The following LYSMD4 variants were observed in gnomAD, a reference collection of about 807,000 sequenced individuals.
LYSMD4 encodes lysM and putative peptidoglycan-binding domain-containing protein 4.
LYSMD4 carries 9 observed loss-of-function variants against 6.1 expected under a neutral mutation model. The ratio of observed to expected loss-of-function variants is 1.47; its 90% CI spans 0.88 to 2.56. The LOEUF is 2.56. LYSMD4 is among the 30% of genes most tolerant of loss of function. The pLI is 0.00. For synonymous variants in LYSMD4, 143 were observed against 148.5 expected, an observed-to-expected ratio of 0.96 and a Z score of 0.27; for missense variants, 384 against 373.5, an observed-to-expected ratio of 1.03 and a Z score of -0.23.
At chr15:99,720,350 G>A (rs2059228724), upstream of LYSMD4, among the ~76,000 whole-genome samples, 1 of 152,152 alleles carries the variant, frequency 6.6e-6, no homozygotes, top group Middle Eastern at 3.4e-3. Context: ...GCCAGGTGTG[G>A]TGGCTCACAT....
downstream of LYSMD4, among the ~76,000 whole-genome samples, chr15:99,724,048 G>A (rs894128507): frequency 1.3e-5 from 2 of 150,854 alleles, no homozygotes; most frequent in Non-Finnish European, 2.9e-5. Context: ...ATAGTCCCCC[G>A]TTTCCAGCCT....
exon 1 of LYSMD4, chr15:99,717,737 C>G (rs959540659): frequency 1.3e-5 from 2 of 152,234 alleles, no homozygotes; most frequent in Non-Finnish European, 1.5e-5. Flanking sequence ...GCATCTTACT[C>G]GGCTTAGACG....
rs2059323397 is a variant in LYSMD4 at position 99,728,488 on chromosome 15, G to A, written c.*635C>T. The A allele has an allele frequency of 6.3e-6, 1 of 158,698 alleles. No homozygotes were observed. The highest frequency in any genetic ancestry group is 1.4e-5 in the Non-Finnish European group (1 of 71,246). 9.8% of individuals were successfully genotyped at this position (158,698 alleles called of 1,614,324 possible). On this transcript the variant is annotated 3_prime_UTR_variant, in exon 3 of 3. Coordinates refer to ENST00000684762, the MANE Select transcript of LYSMD4 (RefSeq NM_001284417.2). ...ACTAAGCCACTCTAAAAGGACAGGA[G>A]TAGGACTGCCCTTTATTCAACAGTG... is the stretch of plus-strand genomic sequence containing the variant.
chr15:99,717,963 C>G (rs181116211), upstream of LYSMD4: 1 of 152,300 alleles, frequency 6.6e-6, no homozygotes, highest in Admixed American at 6.5e-5. Context: ...TCCACATATC[C>G]CTCAGCGGGC....
chr15:99,724,126 CA>C (rs2059259052), downstream of LYSMD4, among the ~76,000 whole-genome samples: 1 of 151,212 alleles, frequency 6.6e-6, no homozygotes, highest in South Asian at 2.1e-4. Flanking sequence ...TACTAAATCC[CA>C]GCCTTCTTTC....
upstream of LYSMD4, among the ~76,000 whole-genome samples, chr15:99,719,619 C>T (rs2059223139): frequency 2.0e-5 from 3 of 152,138 alleles, no homozygotes. Flanking sequence ...TGTGGATGTA[C>T]CATGGTGCTA....
chr15:99,721,550 C>A (rs2059238156), upstream of LYSMD4, among the ~76,000 whole-genome samples: 1 of 152,302 alleles, frequency 6.6e-6, no homozygotes, highest in Admixed American at 6.5e-5. Flanking sequence ...TTAGTGGACT[C>A]CTTCCTAAGC....
upstream of LYSMD4, among the ~76,000 whole-genome samples, chr15:99,719,308 A>G (rs2059220825): frequency 1.3e-5 from 2 of 151,864 alleles, no homozygotes; most frequent in Non-Finnish European, 2.9e-5. Context: ...CACTTTCGGC[A>G]CCCTCCCCAT....
chr15:99,722,843 G>C (rs540612316), downstream of LYSMD4, among the ~76,000 whole-genome samples: 1 of 152,042 alleles, frequency 6.6e-6, no homozygotes. Flanking sequence ...ACCAGCCTGC[G>C]CAACATGACA....
chr15:99,718,438 G>A (rs939300949), upstream of LYSMD4, among the ~76,000 whole-genome samples: 4 of 150,396 alleles, frequency 2.7e-5, no homozygotes, highest in Admixed American at 2.0e-4. Flanking sequence ...TGAGACTGCA[G>A]GGTTATATTT....
chr15:99,717,298 C>G (rs1273848951), exon 1 of LYSMD4: 1 of 152,466 alleles, frequency 6.6e-6, no homozygotes, highest in Non-Finnish European at 1.5e-5. Context: ...CTTGGCTCCC[C>G]TGGGTGCCTT....
upstream of LYSMD4, among the ~76,000 whole-genome samples, chr15:99,719,260 T>C (rs1207747042): frequency 6.6e-6 from 1 of 152,270 alleles, no homozygotes; most frequent in Non-Finnish European, 1.5e-5. Context: ...ATCTTACTAT[T>C]TGTAACATGG....
chr15:99,729,559 G>A lies in LYSMD4; in HGVS notation c.455C>T (p.Ala152Val), dbSNP rs756252993. The change falls in exon 3 of 3, where the codon GCA becomes GTA. Residue 152 changes from alanine (A) to valine (V), a missense_variant. Transcript: ENST00000684762. ...ACCGGTGCCCGCGCCTGCTCTGTCT[G>A]CCTCTGGCAGTTCCACGGTCACTGT... is the stretch of plus-strand genomic sequence containing the variant. ...ETTVTVELPE[A>V]DRAGAGTGAQ... The A allele has an allele frequency of 1.1e-5, 18 of 1,614,034 alleles. No individual in the cohort carries two copies. The highest frequency in any genetic ancestry group is 1.5e-5 in the Non-Finnish European group (18 of 1,180,052).
chr15:99,718,973 C>T (rs1465162144), upstream of LYSMD4, among the ~76,000 whole-genome samples: 1 of 152,116 alleles, frequency 6.6e-6, no homozygotes, highest in African/African-American at 2.4e-5. Context: ...CTAAACATGT[C>T]AAAAGCCATG....
upstream of LYSMD4, among the ~76,000 whole-genome samples, chr15:99,718,761 A>G (rs2059214142): frequency 6.6e-6 from 1 of 152,182 alleles, no homozygotes; most frequent in African/African-American, 2.4e-5. Context: ...TGTTGGGTCA[A>G]CCACTTTTTC....
chr15:99,731,598 C>T, intron 2 of LYSMD4, 120 bp downstream of exon 2: 1 of 1,523,914 alleles, frequency 6.6e-7, no homozygotes, highest in South Asian at 1.3e-5. Flanking sequence ...TTGGCTGCTA[C>T]AGCAGGCCTC....
At chr15:99,716,229 G>C (rs1468219966) in exon 1 of LYSMD4, 2 of 263,350 alleles carry the variant, frequency 7.6e-6, no homozygotes, top group Non-Finnish European at 7.7e-6. Flanking sequence ...GTAGTCAACA[G>C]TTCACACAAG....
rs910737996 is a variant in LYSMD4 at position 99,727,442 on chromosome 15, G to A, written c.*1681C>T. On this transcript the variant is annotated 3_prime_UTR_variant, in exon 3 of 3. Transcript: ENST00000684762. ...GAAGAAATAATTTTATTCCATTTGA[G>A]AAAAGTAAAGGATACATTCTTTGTC... 1 of 152,166 alleles carries A rather than the reference G, an allele frequency of 6.6e-6. No individual in the cohort carries two copies. Among genetic ancestry groups the A allele is most frequent in the Non-Finnish European group, 1.5e-5 (1 of 68,036 alleles). The allele number at this position is 152,166 out of a possible 1,614,324, so 9.4% of individuals were successfully genotyped here. A position where few individuals can be genotyped will look rare whatever the true frequency, so the allele number is the denominator to read the frequency against.
chr15:99,731,525 G>A, intron 2 of LYSMD4, 193 bp downstream of exon 2: 2 of 1,559,710 alleles, frequency 1.3e-6, no homozygotes, highest in South Asian at 2.5e-5. Context: ...CTCTTTGGGG[G>A]CCAGGGTTGG....
Sources: allele counts gnomAD v4.1 joint callset (sites outside exome capture counted in the v4.1 genomes callset), GRCh38; gene constraint gnomAD v4.1.1; transcripts MANE v1.5; gene names NCBI Gene and HGNC (gene_info 2026-07-23, HGNC 2026-07-21).